Variants in MGA observed in about 807,000 individuals in gnomAD.
The protein encoded by MGA is MAX gene-associated protein.
In MGA, 40 loss-of-function variants were observed where a neutral mutation model predicts 261.1. The ratio of observed to expected loss-of-function variants is 0.15; its 90% CI spans 0.12 to 0.20. MGA has a LOEUF of 0.20. Among genes scored for constraint, MGA ranks in the 10% least tolerant of loss-of-function variants. The probability of loss-of-function intolerance (pLI) is 1.00; values close to 1 mark genes in which losing one functional copy is unlikely to be tolerated. For synonymous variants in MGA, 1,302 were observed against 1,290.6 expected (o/e 1.01, Z -0.19); for missense variants, 3,397 against 3,630.5 (o/e 0.94, Z 1.65).
chr15:41,714,216 T>C (rs1294839382), intron 9 of MGA, among the ~76,000 whole-genome samples: 1 of 152,226 alleles, frequency 6.6e-6, no homozygotes, highest in African/African-American at 2.4e-5. Flanking sequence ...TCAGAGATGA[T>C]GATTAATATT....
chr15:41,623,884 G>C (rs1429276246), intron 1 of MGA, among the ~76,000 whole-genome samples: 1 of 150,078 alleles, frequency 6.7e-6, no homozygotes, highest in African/African-American at 2.5e-5. Context: ...TCCTGCCTCA[G>C]ACTCCCGAGT....
intron 4 of MGA, 26 bp from the exon 5 acceptor site, chr15:41,699,038 T>A: frequency 1.3e-6 from 2 of 1,589,666 alleles, no homozygotes; most frequent in Non-Finnish European, 1.7e-6. Context: ...AGTAGCTTAT[T>A]TTATTACTAT....
upstream of MGA, among the ~76,000 whole-genome samples, chr15:41,659,438 C>T (rs1173812436): frequency 6.6e-6 from 1 of 152,186 alleles, no homozygotes; most frequent in African/African-American, 2.4e-5. Flanking sequence ...AGTTTTGGAT[C>T]ATTGACCACA....
intron 19 of MGA, among the ~76,000 whole-genome samples, chr15:41,758,141 G>A (rs1264758752): frequency 6.6e-6 from 1 of 152,084 alleles, no homozygotes; most frequent in African/African-American, 2.4e-5. Flanking sequence ...TGTAAAACAA[G>A]GTGCCATTCT....
intron 1 of MGA, among the ~76,000 whole-genome samples, chr15:41,629,767 A>G (rs1414187003): frequency 6.6e-6 from 1 of 152,152 alleles, no homozygotes; most frequent in Non-Finnish European, 1.5e-5. Flanking sequence ...GTAACTGGTT[A>G]GGTCAGCTAG....
At chr15:41,729,082 A>T in intron 10 of MGA, 82 bp from the exon 11 acceptor site, 2 of 1,392,828 alleles carry the variant, frequency 1.4e-6, no homozygotes. Context: ...TAATACAAAA[A>T]AAGATTAAAC....
chr15:41,711,252 T>G lies in MGA; in HGVS notation c.2987T>G (p.Met996Arg). ...TTGTCTAAATCTCAGGTGAAGCTAATGGACCTGGAAGACTGTGCACTTTGG... is the reference window on the plus strand; with the variant it reads ...TTGTCTAAATCTCAGGTGAAGCTAAGGGACCTGGAAGACTGTGCACTTTGG... Residue 996 changes from methionine (M) to arginine (R), a missense_variant, in exon 8 of 24, where the codon ATG becomes AGG. By Grantham distance (91) the Met-to-Arg change is moderately conservative (BLOSUM62 -1). Coordinates refer to ENST00000219905, the MANE Select transcript of MGA (RefSeq NM_001164273.2). 1 of 1,613,988 alleles carries G rather than the reference T, an allele frequency of 6.2e-7. No homozygotes were observed. The highest frequency in any genetic ancestry group is 8.5e-7 in the Non-Finnish European group (1 of 1,179,894).
chr15:41,667,954 C>T (rs1050162671), intron 1 of MGA, among the ~76,000 whole-genome samples: 1 of 151,926 alleles, frequency 6.6e-6, no homozygotes, highest in Non-Finnish European at 1.5e-5. Flanking sequence ...CAGGCGTGCA[C>T]CACCACACCA....
intron 14 of MGA, 36 bp downstream of exon 14, chr15:41,740,239 A>G (rs926248458): frequency 1.1e-5 from 18 of 1,603,268 alleles, no homozygotes; most frequent in Non-Finnish European, 1.4e-5. Flanking sequence ...GGAAAGGCCT[A>G]TGACTTGGTG....
At chr15:41,741,615 GTGA>G (rs2062108271) in intron 14 of MGA, among the ~76,000 whole-genome samples, 1 of 152,252 alleles carries the variant, frequency 6.6e-6, no homozygotes, top group African/African-American at 2.4e-5. Context: ...TCTGTATTAG[GTGA>G]TGAAGTTTTT....
chr15:41,655,625 G>T (rs1341201984), upstream of MGA, among the ~76,000 whole-genome samples: 1 of 151,846 alleles, frequency 6.6e-6, no homozygotes, highest in Non-Finnish European at 1.5e-5. Flanking sequence ...TTAATCTGTG[G>T]ATGTGGAACC....
intron 5 of MGA, among the ~76,000 whole-genome samples, 197 bp downstream of exon 5, chr15:41,699,356 A>T (rs1013096986): frequency 1.3e-5 from 2 of 151,194 alleles, no homozygotes; most frequent in Non-Finnish European, 2.9e-5. Flanking sequence ...TCTTCCCTTT[A>T]GTTTAAAAAC....
At position 41,737,994 on chromosome 15, in the gene MGA, A is replaced by G. The variant is rs1043705464; in HGVS notation, c.4434+1296A>G. Among the ~76,000 whole-genome samples, 3 of 151,578 alleles carry G rather than the reference A, an allele frequency of 2.0e-5. No individual in the cohort carries two copies. The South Asian group carries it at 6.3e-4, about 32-fold the overall frequency. ...GATTGTCTCAAAAAAAAAAAAGTGC[A>G]CTTTTATATTAGAGTAGCAAATGTG... On this transcript the variant is annotated intron_variant, in intron 13 of 23. Coordinates refer to ENST00000219905, the MANE Select transcript of MGA (RefSeq NM_001164273.2).
chr15:41,704,431 G>T (rs567396763), intron 5 of MGA, among the ~76,000 whole-genome samples: 4 of 152,178 alleles, frequency 2.6e-5, no homozygotes, highest in African/African-American at 9.6e-5. Flanking sequence ...AGGCCAAGGC[G>T]GGTGGATCAC....
At chr15:41,755,470 A>G (rs910186209) in intron 18 of MGA, among the ~76,000 whole-genome samples, 7 of 152,358 alleles carry the variant, frequency 4.6e-5, no homozygotes, top group Non-Finnish European at 7.3e-5. Flanking sequence ...TGAGTTCTGT[A>G]TACTAAAACT....
chr15:41,754,648 T>G, intron 18 of MGA, 81 bp downstream of exon 18: 22 of 1,391,134 alleles, frequency 1.6e-5, no homozygotes, highest in Non-Finnish European at 2.0e-5. Context: ...TCAGGAGCTC[T>G]GGGTAACTCA....
chr15:41,750,489 T>C lies in MGA; in HGVS notation c.6882T>C (p.Ala2294=). ...AGAAGAAGGGTGGGAGAAGCAGTGC[T>C]GACTTCACTGTTTTGGATTTGGAAG... The change falls in exon 17 of 24, where the codon GCT becomes GCC. Residue 2294 remains alanine (A), a synonymous_variant. Transcript: ENST00000219905. The C allele has an allele frequency of 6.2e-7, 1 of 1,613,976 alleles. No individual in the cohort carries two copies. Among genetic ancestry groups the C allele is most frequent in the South Asian group, 1.1e-5 (1 of 91,080 alleles).
rs1567102043 is a variant in MGA at position 41,760,375 on chromosome 15, A to G, written c.7244A>G (p.Gln2415Arg). 3.1e-6 allele frequency: 5 copies of G among 1,614,068 alleles called. No homozygotes were observed. The highest frequency in any genetic ancestry group is 4.2e-6 in the Non-Finnish European group (5 of 1,179,896). ...CCTGATTACTGGAGTGACAAACTAC[A>G]GAAAGAAGCAGAAGCGTTTGCTTAT... The change falls in exon 20 of 24, where the codon CAG becomes CGG. Residue 2415 changes from glutamine to arginine, a missense_variant. This residue lies in a region of MGA where 1,410 missense variants were observed against 1,386.4 expected (regional missense o/e 1.02). Coordinates refer to ENST00000219905, the MANE Select transcript of MGA (RefSeq NM_001164273.2).
At chr15:41,639,629 C>T (rs2056782357) in intron 1 of MGA, among the ~76,000 whole-genome samples, 1 of 152,026 alleles carries the variant, frequency 6.6e-6, no homozygotes, top group Non-Finnish European at 1.5e-5. Context: ...ACTGCAAGCA[C>T]CGTCTCCTAG....
Sources: allele counts gnomAD v4.1 joint callset (sites outside exome capture counted in the v4.1 genomes callset), GRCh38; gene constraint gnomAD v4.1.1; regional missense constraint gnomAD v4.1.1; transcripts MANE v1.5; gene names NCBI Gene and HGNC (gene_info 2026-07-23, HGNC 2026-07-21).